The following UNC13C variants were observed in gnomAD, a reference collection of about 807,000 sequenced individuals.
UNC13C encodes the protein unc-13 homolog C.
UNC13C carries 174 observed loss-of-function variants against 245.4 expected under a neutral mutation model. The ratio of observed to expected loss-of-function variants is 0.71; its 90% CI spans 0.63 to 0.80. UNC13C has a LOEUF of 0.80. UNC13C is among the 30% of genes least tolerant of loss of function. The pLI, the probability that UNC13C is intolerant of heterozygous loss-of-function variation, is 0.00. For missense variants in UNC13C, 2,829 were observed against 2,602.9 expected (o/e 1.09, Z -1.89); for synonymous variants, 992 against 895.1 (o/e 1.11, Z -1.93).
intron 30 of UNC13C, among the ~76,000 whole-genome samples, chr15:54,603,689 C>G (rs977588491): frequency 2.0e-5 from 3 of 152,034 alleles, no homozygotes; most frequent in African/African-American, 7.2e-5. Flanking sequence ...TGGTGAAACC[C>G]CCATCTCTAC....
chr15:54,266,280 A>C (rs2036547634), intron 10 of UNC13C, among the ~76,000 whole-genome samples: 2 of 152,126 alleles, frequency 1.3e-5, no homozygotes, highest in South Asian at 2.1e-4. Context: ...TGATGAAGGA[A>C]GTCTTAAGAA....
intron 20 of UNC13C, among the ~76,000 whole-genome samples, chr15:54,497,701 C>A (rs545810090): frequency 3.3e-5 from 5 of 152,206 alleles, no homozygotes; most frequent in Admixed American, 3.3e-4. Flanking sequence ...AACAGTCTCT[C>A]CTTCTGTTGC....
the UNC13C span, among the ~76,000 whole-genome samples, chr15:53,946,313 GT>G: frequency 6.6e-5 from 10 of 152,014 alleles, no homozygotes; most frequent in Non-Finnish European, 1.3e-4. Flanking sequence ...TCTTGTGCTG[GT>G]TTTCAAGGGG....
At chr15:54,311,156 T>C (rs992920413) in intron 13 of UNC13C, among the ~76,000 whole-genome samples, 1 of 151,742 alleles carries the variant, frequency 6.6e-6, no homozygotes, top group African/African-American at 2.4e-5. Flanking sequence ...TTGCTCAGTT[T>C]CAGTATTTTA....
At chr15:53,950,330 A>G in the UNC13C span, among the ~76,000 whole-genome samples, 4 of 152,198 alleles carry the variant, frequency 2.6e-5, no homozygotes, top group African/African-American at 9.6e-5. Context: ...CAATTTGCCC[A>G]GAGAAGATCT....
intron 10 of UNC13C, among the ~76,000 whole-genome samples, chr15:54,277,957 T>C (rs1357368939): frequency 2.6e-5 from 4 of 152,118 alleles, no homozygotes; most frequent in African/African-American, 9.7e-5. Flanking sequence ...TAGAGTCCTT[T>C]AAGTACAAGT....
chr15:54,095,378 A>G (rs533580076), intron 2 of UNC13C, among the ~76,000 whole-genome samples: 1 of 152,146 alleles, frequency 6.6e-6, no homozygotes, highest in Non-Finnish European at 1.5e-5. Flanking sequence ...AAATTCCTCT[A>G]AACTCCAGGA....
At chr15:54,324,065 A>G (rs1231929637) in intron 14 of UNC13C, among the ~76,000 whole-genome samples, 1 of 152,084 alleles carries the variant, frequency 6.6e-6, no homozygotes, top group Non-Finnish European at 1.5e-5. Context: ...TGTAAATCCA[A>G]TAACTTATTA....
chr15:53,964,152 T>G, the UNC13C span, among the ~76,000 whole-genome samples: 1 of 152,204 alleles, frequency 6.6e-6, no homozygotes, highest in South Asian at 2.1e-4. Flanking sequence ...CCAACATCTT[T>G]ACAGAGTAGG....
chr15:54,321,127 A>G (rs2038146126), intron 13 of UNC13C: 8 of 516,398 alleles, frequency 1.5e-5, no homozygotes, highest in Admixed American at 1.4e-4. Flanking sequence ...GGCACTAGCC[A>G]TCTCTTGCTC....
At chr15:54,277,795 G>A (rs937438866) in intron 10 of UNC13C, among the ~76,000 whole-genome samples, 1 of 152,162 alleles carries the variant, frequency 6.6e-6, no homozygotes, top group African/African-American at 2.4e-5. Flanking sequence ...CACAAGGATT[G>A]AGATGAAACC....
At position 54,546,613 on chromosome 15, in the gene UNC13C, T is replaced by G. The variant is rs566302469; in HGVS notation, c.5697-109T>G. 5.3e-6 allele frequency: 3 copies of G among 570,666 alleles called. No homozygotes were observed. In the South Asian group the frequency reaches 1.6e-4, roughly 30 times the overall value. 35.4% of individuals were successfully genotyped at this position (570,666 alleles called of 1,614,324 possible). On this transcript the variant is annotated intron_variant, in intron 26 of 32. Transcript: ENST00000260323. ...AATAGTTTTTTGAGATTATACATTT[T>G]GTATAATAATTTAGTAAATGGAATT...
chr15:54,547,373 A>T (rs1364645036), intron 27 of UNC13C, among the ~76,000 whole-genome samples: 1 of 152,192 alleles, frequency 6.6e-6, no homozygotes, highest in African/African-American at 2.4e-5. Context: ...CAGAAAGATC[A>T]ATTGGCTGCA....
chr15:54,567,334 G>T (rs1298775230), intron 29 of UNC13C, among the ~76,000 whole-genome samples: 1 of 152,148 alleles, frequency 6.6e-6, no homozygotes, highest in Non-Finnish European at 1.5e-5. Context: ...AGAGGATGGG[G>T]CAGATGGAGT....
the UNC13C span, among the ~76,000 whole-genome samples, chr15:53,867,812 G>T: frequency 2.0e-5 from 3 of 151,992 alleles, no homozygotes; most frequent in Admixed American, 6.6e-5. Flanking sequence ...CTTGTTCAAG[G>T]TTAAATAACA....
the UNC13C span, among the ~76,000 whole-genome samples, chr15:53,891,381 A>G: frequency 6.6e-6 from 1 of 152,138 alleles, no homozygotes; most frequent in Non-Finnish European, 1.5e-5. Context: ...TATTAGGTCC[A>G]CTTGTTCCCG....
At chr15:54,332,339 T>TG (rs763306749) in intron 15 of UNC13C, among the ~76,000 whole-genome samples, 196 of 91,062 alleles carry the variant, frequency 2.2e-3, no homozygotes, top group African/African-American at 7.8e-3. Context: ...GTGTGTGTGT[T>TG]TGTGTATGCA....
chr15:54,171,726 C>T (rs764938910), intron 4 of UNC13C, among the ~76,000 whole-genome samples: 14 of 152,080 alleles, frequency 9.2e-5, no homozygotes, highest in African/African-American at 1.2e-4. Flanking sequence ...ATAGAGCCAC[C>T]GTATGATCCA....
At chr15:54,190,554 A>G (rs2034149730) in intron 4 of UNC13C, among the ~76,000 whole-genome samples, 1 of 152,104 alleles carries the variant, frequency 6.6e-6, no homozygotes, top group Non-Finnish European at 1.5e-5. Flanking sequence ...TTAACATAAC[A>G]TATAGGTCTT....
Sources: allele counts gnomAD v4.1 joint callset (sites outside exome capture counted in the v4.1 genomes callset), GRCh38; gene constraint gnomAD v4.1.1; transcripts MANE v1.5; gene names NCBI Gene and HGNC (gene_info 2026-07-23, HGNC 2026-07-21).